Variants in DAP3 observed in about 807,000 individuals in gnomAD.
The protein encoded by DAP3 is death associated protein 3, also known as small ribosomal subunit protein mS29.
DAP3 carries 28 observed loss-of-function variants against 51.9 expected under a neutral mutation model. The observed-to-expected ratio is 0.54, with a 90% CI of 0.40 to 0.74. The LOEUF (loss-of-function observed/expected upper bound fraction) is 0.74. Among genes scored for constraint, DAP3 ranks in the 30% least tolerant of loss-of-function variants. DAP3 has a pLI of 0.00. For missense variants in DAP3, 458 were observed against 483.5 expected (o/e 0.95, Z 0.49); for synonymous variants, 170 against 170.3 (o/e 1.00, Z 0.01).
At chr1:155,721,380 G>GTATATATATATGTATGTATGTGTA (rs1557786165) in intron 3 of DAP3, 137 bp from the exon 4 acceptor site, 8 of 393,308 alleles carry the variant, frequency 2.0e-5, no homozygotes, top group African/African-American at 1.8e-4. Context: ...GTATGTATGT[G>GTATATATATATGTATGTATGTGTA]TATATATATA....
chr1:155,719,289 G>A (rs1282395341), intron 3 of DAP3, among the ~76,000 whole-genome samples: 2 of 149,436 alleles, frequency 1.3e-5, no homozygotes, highest in Non-Finnish European at 1.5e-5. Context: ...AGGCTGGAGT[G>A]CAATGGCGCA....
chr1:155,727,619 G>C lies in DAP3; in HGVS notation c.484G>C (p.Val162Leu). The part of the protein sequence containing the change: ...ILHIPDAHLW[V>L]KNCRDLLQSS... The stretch of plus-strand genomic sequence containing the variant: ...TCTTTTTTTTAAAGCTCATCTTTGG[G>C]TGAAAAATTGTCGGGATCTTCTGCA... The change falls in exon 7 of 13, where the codon GTG (valine) becomes CTG (leucine). Residue 162 changes from valine to leucine, a missense_variant. Physicochemically the swap from Val to Leu is conservative, Grantham distance 32. Transcript: ENST00000368336. 6.2e-7 allele frequency: 1 copy of C among 1,610,982 alleles called. No individual in the cohort carries two copies. Among genetic ancestry groups the C allele is most frequent in the Non-Finnish European group, 8.5e-7 (1 of 1,178,394 alleles).
chr1:155,738,322 C>A lies in DAP3; in HGVS notation c.*80C>A. The A allele has an allele frequency of 1.3e-6, 2 of 1,509,386 alleles. No homozygotes were observed. Among genetic ancestry groups the A allele is most frequent in the Non-Finnish European group, 1.8e-6 (2 of 1,098,532 alleles). The allele number at this position is 1,509,386 out of a possible 1,614,324, so 93.5% of individuals were successfully genotyped here. A position where few individuals can be genotyped will look rare whatever the true frequency, so the allele number is the denominator to read the frequency against. On this transcript the variant is annotated 3_prime_UTR_variant, in exon 13 of 13. Coordinates refer to ENST00000368336, the MANE Select transcript of DAP3 (RefSeq NM_004632.4). The stretch of plus-strand genomic sequence containing the variant: ...AGTAAGATGAGGAAGTCGGGCAGTA[C>A]ACAGGAAGAGGAGCCAGGCCCTTGT...
In DAP3 at chr1:155,689,136, G is replaced by A. The variant is rs1653269596; in HGVS notation, c.-46G>A. 6 of 930,186 alleles carry A rather than the reference G, an allele frequency of 6.5e-6. No homozygotes were observed. The highest frequency in any genetic ancestry group is 1.0e-5 in the Non-Finnish European group (6 of 598,842). 57.6% of individuals were successfully genotyped at this position (930,186 alleles called of 1,614,324 possible). A position where few individuals can be genotyped will look rare whatever the true frequency, so the allele number is the denominator to read the frequency against. ...TTGGAGCCGGCCCCAGGCAGCGTGT[G>A]TCGGTCGCCTAGTCTGGAGAACTAG... On this transcript the variant is annotated 5_prime_UTR_variant, in exon 1 of 13. Transcript: ENST00000368336.
At position 155,732,143 on chromosome 1, in the gene DAP3, T is replaced by C. The variant is rs2149200549; in HGVS notation, c.993+110T>C. 8 of 869,832 alleles carry C rather than the reference T, an allele frequency of 9.2e-6. 1 individual carries two copies. In the South Asian group the frequency reaches 1.3e-4, roughly 14 times the overall value. The allele number at this position is 869,832 out of a possible 1,614,324, so 53.9% of individuals were successfully genotyped here. A position where few individuals can be genotyped will look rare whatever the true frequency, so the allele number is the denominator to read the frequency against. ...TAATTTCAGACTTAGAGAAAAATCA[T>C]ATTCCTGTATGCCCTTCCCCTGGAT... On this transcript the variant is annotated intron_variant, in intron 11 of 12. Coordinates refer to ENST00000368336, the MANE Select transcript of DAP3 (RefSeq NM_004632.4).
chr1:155,700,355 G>C (rs947960857), intron 1 of DAP3, among the ~76,000 whole-genome samples: 1 of 152,220 alleles, frequency 6.6e-6, no homozygotes, highest in Non-Finnish European at 1.5e-5. Flanking sequence ...TTACTTGATG[G>C]TATCCCTTGA....
In DAP3 at chr1:155,708,826, T is replaced by C. The variant is rs1485048561; in HGVS notation, c.-7-947T>C. Reference sequence around the variant, plus strand: ...TTCATGCCATTCTCCTGCCTCAGCCTCCCAAGTAGCTGGGACTACAGGCGC... The same window carrying C: ...TTCATGCCATTCTCCTGCCTCAGCCCCCCAAGTAGCTGGGACTACAGGCGC... On this transcript the variant is annotated intron_variant, in intron 1 of 12. Transcript: ENST00000368336. Among the ~76,000 whole-genome samples the C allele has an allele frequency of 2.7e-5, 4 of 150,772 alleles. No individual in the cohort carries two copies. The East Asian group carries it at 7.9e-4, about 30-fold the overall frequency.
At chr1:155,700,636 C>T (rs1655101367) in intron 1 of DAP3, among the ~76,000 whole-genome samples, 1 of 144,588 alleles carries the variant, frequency 6.9e-6, no homozygotes, top group African/African-American at 2.6e-5. Context: ...CCCGGCCGCC[C>T]CTACTGGGAA....
intron 1 of DAP3, among the ~76,000 whole-genome samples, chr1:155,702,305 T>TA (rs1440591336): frequency 4.2e-5 from 6 of 143,176 alleles, no homozygotes; most frequent in Middle Eastern, 3.4e-3. Flanking sequence ...CCGTCTCTAC[T>TA]AAAAAAAATA....
chr1:155,725,563 G>A (rs1658477528), intron 5 of DAP3, 73 bp downstream of exon 5: 3 of 1,421,492 alleles, frequency 2.1e-6, no homozygotes, highest in South Asian at 1.2e-5. Flanking sequence ...CAGAAGAAAT[G>A]AAAAAAAGTA....
At chr1:155,708,822 A>T (rs986705057) in intron 1 of DAP3, among the ~76,000 whole-genome samples, 1 of 149,902 alleles carries the variant, frequency 6.7e-6, no homozygotes, top group Admixed American at 6.8e-5. Context: ...CTCCTGCCTC[A>T]GCCTCCCAAG....
At chr1:155,726,478 G>T (rs1489029748) in intron 6 of DAP3, among the ~76,000 whole-genome samples, 2 of 151,716 alleles carry the variant, frequency 1.3e-5, no homozygotes, top group African/African-American at 4.8e-5. Flanking sequence ...TTTTAGTAGA[G>T]ACAGGGTTTC....
chr1:155,695,320 C>A (rs934113348), intron 1 of DAP3, among the ~76,000 whole-genome samples: 2 of 152,198 alleles, frequency 1.3e-5, no homozygotes, highest in African/African-American at 4.8e-5. Context: ...TGTTAGGTGC[C>A]AACCCTCGAG....
Position 155,721,592 on chromosome 1 carries a change from G to C in DAP3, c.244G>C (p.Gly82Arg). 6.2e-7 allele frequency: 1 copy of C among 1,614,000 alleles called. No homozygotes were observed. Among genetic ancestry groups the C allele is most frequent in the Non-Finnish European group, 8.5e-7 (1 of 1,180,016 alleles). ...PQDLETVFPH[G>R]LPPRFVMQVK... ...GGATTTGGAGACTGTATTTCCCCAT[G>C]GCCTTCCTCCTCGCTTTGTGATGCA... Residue 82 changes from glycine (G) to arginine (R), a missense_variant, in exon 4 of 13, where the codon GGC (glycine) becomes CGC (arginine). Coordinates refer to ENST00000368336, the MANE Select transcript of DAP3 (RefSeq NM_004632.4).
At chr1:155,688,981 C>A (rs1487058396), upstream of DAP3, 3 of 1,607,098 alleles carry the variant, frequency 1.9e-6, no homozygotes, top group Non-Finnish European at 2.5e-6. Flanking sequence ...CTCCATGGGA[C>A]CGCGGCGAGG....
chr1:155,721,366 A>ATATG, intron 3 of DAP3, 151 bp from the exon 4 acceptor site: 1 of 345,240 alleles, frequency 2.9e-6, no homozygotes, highest in Non-Finnish European at 5.2e-6. Flanking sequence ...GTGTATATAT[A>ATATG]TATGTATGTA....
chr1:155,732,417 G>C (rs1437799958), intron 11 of DAP3, among the ~76,000 whole-genome samples: 1 of 151,912 alleles, frequency 6.6e-6, no homozygotes, highest in Non-Finnish European at 1.5e-5. Flanking sequence ...TTTTAGTAGA[G>C]ACGAGGTTTC....
intron 4 of DAP3, 58 bp from the exon 5 acceptor site, chr1:155,725,324 A>G: frequency 6.8e-7 from 1 of 1,470,500 alleles, no homozygotes; most frequent in Non-Finnish European, 9.5e-7. Flanking sequence ...TATATATACC[A>G]CCCCCCACCC....
At chr1:155,714,860 G>A (rs1306514354) in intron 2 of DAP3, among the ~76,000 whole-genome samples, 2 of 152,186 alleles carry the variant, frequency 1.3e-5, no homozygotes, top group Non-Finnish European at 2.9e-5. Flanking sequence ...ATGGGTGTAA[G>A]TGTGAGGAGG....
Sources: gnomAD v4.1 joint callset for allele counts (sites outside exome capture counted in the v4.1 genomes callset) on GRCh38, gnomAD v4.1.1 for gene constraint, MANE v1.5 for transcripts, NCBI Gene and HGNC (gene_info 2026-07-23, HGNC 2026-07-21) for gene names.